The following ARHGAP10 variants were observed in gnomAD, a reference collection of about 807,000 sequenced individuals.
ARHGAP10 encodes the protein rho GTPase-activating protein 10.
In ARHGAP10, 87 loss-of-function variants were observed where a neutral mutation model predicts 108.6. That is an observed-to-expected ratio of 0.80 (90% CI 0.67 to 0.96). The LOEUF is 0.96. ARHGAP10 is among the 40% of genes least tolerant of loss of function. The probability of loss-of-function intolerance (pLI) is 0.00; values close to 1 mark genes in which losing one functional copy is unlikely to be tolerated. For missense variants in ARHGAP10, 939 were observed against 954.5 expected (o/e 0.98, Z 0.21); for synonymous variants, 347 against 341.1 (o/e 1.02, Z -0.19).
chr4:147,741,271 G>A (rs138677200), intron 1 of ARHGAP10, among the ~76,000 whole-genome samples: 443 of 152,242 alleles, frequency 2.9e-3, no homozygotes, highest in Middle Eastern at 6.8e-3. Flanking sequence ...AAAACAGTCA[G>A]TAATTAATAA....
At chr4:147,757,835 CTG>C (rs1482028396) in intron 1 of ARHGAP10, among the ~76,000 whole-genome samples, 1 of 152,164 alleles carries the variant, frequency 6.6e-6, no homozygotes, top group African/African-American at 2.4e-5. Context: ...GCCAACCTGT[CTG>C]TTCCCTTCCC....
chr4:148,059,045 A>G (rs7697065), intron 20 of ARHGAP10, among the ~76,000 whole-genome samples: 61 of 152,332 alleles, frequency 4.0e-4, no homozygotes, highest in African/African-American at 1.2e-3. Context: ...CGTGTTTCCA[A>G]GTTAGCAATT....
intron 19 of ARHGAP10, among the ~76,000 whole-genome samples, chr4:148,039,968 T>A (rs1009401084): frequency 2.6e-5 from 4 of 152,224 alleles, no homozygotes; most frequent in Non-Finnish European, 5.9e-5. Flanking sequence ...GTTTGCTGTC[T>A]TAGTTTTCTG....
intron 14 of ARHGAP10, 31 bp from the exon 15 acceptor site, chr4:147,946,586 A>G (rs746933881): frequency 1.9e-6 from 3 of 1,594,194 alleles, no homozygotes; most frequent in Non-Finnish European, 2.6e-6. Context: ...CAAGGTTTTA[A>G]TTATTTTTTT....
chr4:147,795,566 T>C (rs1333174025), intron 1 of ARHGAP10, among the ~76,000 whole-genome samples: 1 of 152,142 alleles, frequency 6.6e-6, no homozygotes, highest in East Asian at 1.9e-4. Flanking sequence ...TGTGAGCTCT[T>C]TGAAGGTAGG....
At chr4:147,926,878 G>A (rs567347758) in intron 13 of ARHGAP10, among the ~76,000 whole-genome samples, 48 of 152,240 alleles carry the variant, frequency 3.2e-4, no homozygotes, top group African/African-American at 1.1e-3. Context: ...TTTAGTGGCT[G>A]GAAAGTCAAA....
At position 147,913,183 on chromosome 4, in the gene ARHGAP10, G is replaced by A. The variant is rs767054995; in HGVS notation, c.1228+44G>A. ...TTCATTCATGAGAGGCTATAGGTAT[G>A]TAAAATCTAAAAGTCATTAAAAATA... On this transcript the variant is annotated intron_variant, in intron 13 of 22. Transcript: ENST00000336498. 3.2e-6 allele frequency: 5 copies of A among 1,557,418 alleles called. No homozygotes were observed. The East Asian group carries it at 9.0e-5, about 28-fold the overall frequency.
At chr4:147,811,321 A>G (rs572967091) in intron 1 of ARHGAP10, among the ~76,000 whole-genome samples, 53 of 152,350 alleles carry the variant, frequency 3.5e-4, no homozygotes, top group African/African-American at 1.3e-3. Context: ...GGCTTCTGAA[A>G]TAAGTGTAGA....
intron 13 of ARHGAP10, among the ~76,000 whole-genome samples, chr4:147,935,928 G>C (rs984686818): frequency 5.3e-5 from 8 of 152,288 alleles, no homozygotes; most frequent in Admixed American, 5.2e-4. Flanking sequence ...CTCTCAGGTT[G>C]ATGAATTTGA....
chr4:147,891,969 T>C lies in ARHGAP10; in HGVS notation c.1034+10037T>C, dbSNP rs547327319. On this transcript the variant is annotated intron_variant, in intron 10 of 22. Coordinates refer to ENST00000336498, the MANE Select transcript of ARHGAP10 (RefSeq NM_024605.4). The stretch of plus-strand genomic sequence containing the variant: ...CTTTGTGCTGTGACCCCCCCACACA[T>C]TTGCTTGATAAATAATTACCCGTTC... Among the ~76,000 whole-genome samples, 7 of 152,200 alleles carry C rather than the reference T, an allele frequency of 4.6e-5. No homozygotes were observed. In the South Asian group the frequency reaches 1.5e-3, roughly 32 times the overall value.
At chr4:147,880,611 C>G (rs1735282820) in intron 9 of ARHGAP10, among the ~76,000 whole-genome samples, 1 of 152,186 alleles carries the variant, frequency 6.6e-6, no homozygotes, top group Non-Finnish European at 1.5e-5. Context: ...TAGAGATCTT[C>G]ACGTTCTGGA....
chr4:147,875,624 A>G (rs768690547), intron 8 of ARHGAP10, among the ~76,000 whole-genome samples: 4 of 152,238 alleles, frequency 2.6e-5, no homozygotes, highest in Non-Finnish European at 4.4e-5. Context: ...AGAGGGACAT[A>G]TTAGTATTTT....
chr4:147,978,599 G>T (rs1206726663), intron 18 of ARHGAP10, among the ~76,000 whole-genome samples: 1 of 152,126 alleles, frequency 6.6e-6, no homozygotes, highest in Non-Finnish European at 1.5e-5. Flanking sequence ...CCACAGTAAG[G>T]TGTGCTTGCT....
rs1390263424 is a variant in ARHGAP10 at position 147,914,693 on chromosome 4, T to A, written c.1228+1554T>A. 2.6e-5 allele frequency among the ~76,000 whole-genome samples: 4 copies of A among 152,234 alleles called. No homozygotes were observed. The East Asian group carries it at 7.7e-4, about 29-fold the overall frequency. ...TCGGTTGGGTGGATACTTAGCTCTG[T>A]AAATTTCTGTTTATTGCCTGGTAGT... On this transcript the variant is annotated intron_variant, in intron 13 of 22. Transcript: ENST00000336498.
At chr4:147,863,366 A>C (rs974024062) in intron 5 of ARHGAP10, 8 of 152,278 alleles carry the variant, frequency 5.3e-5, no homozygotes, top group Admixed American at 5.2e-4. Flanking sequence ...CTTTGTGACT[A>C]GTTTATTTCA....
intron 18 of ARHGAP10, among the ~76,000 whole-genome samples, chr4:147,970,209 T>C (rs1341381003): frequency 6.6e-6 from 1 of 152,194 alleles, no homozygotes; most frequent in African/African-American, 2.4e-5. Context: ...CAGGAAAACT[T>C]CATATGGATG....
chr4:147,791,529 T>A (rs1256970244), intron 1 of ARHGAP10, among the ~76,000 whole-genome samples: 2 of 152,182 alleles, frequency 1.3e-5, no homozygotes, highest in Non-Finnish European at 2.9e-5. Context: ...TCCGTGTGTG[T>A]GTGTGCGCGC....
Position 148,001,522 on chromosome 4 carries a change from G to A in ARHGAP10, c.1717-21741G>A, listed in dbSNP as rs187992825. ...CCTTGGGTGGTATGGCCATTTTCACGATATTGATTCTTCCTATCCATGAGT... is the reference window on the plus strand; with the variant it reads ...CCTTGGGTGGTATGGCCATTTTCACAATATTGATTCTTCCTATCCATGAGT... On this transcript the variant is annotated intron_variant, in intron 18 of 22. Coordinates refer to ENST00000336498, the MANE Select transcript of ARHGAP10 (RefSeq NM_024605.4). Among the ~76,000 whole-genome samples the A allele has an allele frequency of 9.6e-4, 146 of 152,138 alleles. 2 individuals carry two copies. Among genetic ancestry groups the A allele is most frequent in the African/African-American group, 3.4e-3 (141 of 41,456 alleles).
At chr4:148,055,865 G>A (rs13104106) in intron 20 of ARHGAP10, among the ~76,000 whole-genome samples, 75,817 of 151,870 alleles carry the variant, frequency 0.5, 21,622 homozygotes, top group East Asian at 0.83. Flanking sequence ...GGCACGAACA[G>A]GGGAGCCCCG....
Sources: gnomAD v4.1 joint callset for allele counts (sites outside exome capture counted in the v4.1 genomes callset) on GRCh38, gnomAD v4.1.1 for gene constraint, MANE v1.5 for transcripts, NCBI Gene and HGNC (gene_info 2026-07-23, HGNC 2026-07-21) for gene names.